Variants in ABTB3 observed in about 807,000 individuals in gnomAD.
ABTB3 encodes ankyrin repeat and BTB domain containing 3, also known as ankyrin repeat- and BTB/POZ domain-containing protein 3.
chr12:107,569,710 A>T, the ABTB3 span, among the ~76,000 whole-genome samples: 8 of 152,262 alleles, frequency 5.3e-5, no homozygotes, highest in Admixed American at 1.3e-4. Flanking sequence ...TGATACAAGC[A>T]TCACTTAGAT....
the ABTB3 span, among the ~76,000 whole-genome samples, chr12:107,491,530 G>A: frequency 6.6e-6 from 1 of 152,088 alleles, no homozygotes; most frequent in South Asian, 2.1e-4. Context: ...ACAACCATGA[G>A]CCATTTTCAT....
the ABTB3 span, among the ~76,000 whole-genome samples, chr12:107,538,785 C>T: frequency 6.6e-6 from 1 of 152,204 alleles, no homozygotes; most frequent in Non-Finnish European, 1.5e-5. Context: ...AAGCTCTGCT[C>T]CATCAGCAGA....
the ABTB3 span, among the ~76,000 whole-genome samples, chr12:107,575,025 T>C: frequency 6.6e-6 from 1 of 152,238 alleles, no homozygotes; most frequent in Non-Finnish European, 1.5e-5. Flanking sequence ...CAATGAGCAT[T>C]GCTATAGAAA....
At chr12:107,504,235 G>T in the ABTB3 span, among the ~76,000 whole-genome samples, 1 of 152,242 alleles carries the variant, frequency 6.6e-6, no homozygotes, top group Non-Finnish European at 1.5e-5. Context: ...ATTGTGGAAG[G>T]CCTATTAGTT....
the ABTB3 span, among the ~76,000 whole-genome samples, chr12:107,454,143 G>A: frequency 6.6e-6 from 1 of 152,244 alleles, no homozygotes; most frequent in East Asian, 1.9e-4. Flanking sequence ...TGTTGAATGA[G>A]TACATACCCA....
the ABTB3 span, among the ~76,000 whole-genome samples, chr12:107,536,447 G>T: frequency 6.6e-6 from 1 of 152,032 alleles, no homozygotes; most frequent in African/African-American, 2.4e-5. Context: ...ACAAATTGAA[G>T]AGACAGCCTA....
At chr12:107,445,436 T>C in the ABTB3 span, among the ~76,000 whole-genome samples, 1 of 152,124 alleles carries the variant, frequency 6.6e-6, no homozygotes, top group Admixed American at 6.5e-5. Flanking sequence ...AAATTAGCAT[T>C]TATTCACTGG....
chr12:107,516,497 G>A, the ABTB3 span, among the ~76,000 whole-genome samples: 1 of 152,152 alleles, frequency 6.6e-6, no homozygotes, highest in African/African-American at 2.4e-5. Flanking sequence ...CTCCCAAAGT[G>A]CTGGGATTAC....
chr12:107,608,748 G>A, the ABTB3 span, among the ~76,000 whole-genome samples: 1 of 151,770 alleles, frequency 6.6e-6, no homozygotes, highest in Non-Finnish European at 1.5e-5. Context: ...GTGCATCCCC[G>A]TAGTCTCAGC....
the ABTB3 span, among the ~76,000 whole-genome samples, chr12:107,460,608 G>A: frequency 2.0e-5 from 3 of 151,886 alleles, no homozygotes; most frequent in African/African-American, 7.3e-5. Flanking sequence ...GCAGTGAGCC[G>A]AGATCCCACC....
chr12:107,653,526 A>G, the ABTB3 span, among the ~76,000 whole-genome samples: 42 of 150,834 alleles, frequency 2.8e-4, no homozygotes, highest in African/African-American at 9.8e-4. Flanking sequence ...CAAAAAAAAA[A>G]AAAGAAAGAA....
the ABTB3 span, chr12:107,318,950 A>G: frequency 1.2e-6 from 2 of 1,605,050 alleles, no homozygotes; most frequent in Non-Finnish European, 1.7e-6. Context: ...GATGGCCAGG[A>G]GAGGTAAGAA....
chr12:107,382,852 A>G, the ABTB3 span, among the ~76,000 whole-genome samples: 45 of 152,136 alleles, frequency 3.0e-4, no homozygotes, highest in Middle Eastern at 3.2e-3. Flanking sequence ...TGGCATGTGT[A>G]TACCTATGTA....
chr12:107,461,834 G>T, the ABTB3 span, among the ~76,000 whole-genome samples: 3 of 152,160 alleles, frequency 2.0e-5, no homozygotes, highest in Non-Finnish European at 4.4e-5. Context: ...TCTTGAGCCT[G>T]GCACTCGGCA....
chr12:107,654,114 A>C, the ABTB3 span, among the ~76,000 whole-genome samples: 1 of 152,362 alleles, frequency 6.6e-6, no homozygotes, highest in African/African-American at 2.4e-5. Flanking sequence ...AGCACGTGTC[A>C]GAATTTCTTC....
the ABTB3 span, among the ~76,000 whole-genome samples, chr12:107,327,813 T>C: frequency 6.6e-6 from 1 of 152,208 alleles, no homozygotes; most frequent in Non-Finnish European, 1.5e-5. Flanking sequence ...TCCTAACGTC[T>C]TAGTGGCTGA....
the ABTB3 span, among the ~76,000 whole-genome samples, chr12:107,441,401 G>T: frequency 1.3e-5 from 2 of 152,130 alleles, no homozygotes; most frequent in Non-Finnish European, 2.9e-5. Flanking sequence ...ATAAGTGGGA[G>T]CTGAAGAATG....
At chr12:107,519,869 G>A in the ABTB3 span, among the ~76,000 whole-genome samples, 1,950 of 152,222 alleles carry the variant, frequency 0.013, 40 homozygotes, top group African/African-American at 0.043. Flanking sequence ...GAATGTTTAT[G>A]GAATGGAAAG....
At chr12:107,318,848 G>A in the ABTB3 span, 2 of 1,410,482 alleles carry the variant, frequency 1.4e-6, no homozygotes, top group Non-Finnish European at 1.9e-6. Flanking sequence ...AGGCGGCGCG[G>A]ACTCGGCTCT....
Sources: gnomAD v4.1 joint callset for allele counts (sites outside exome capture counted in the v4.1 genomes callset) on GRCh38, gnomAD v4.1.1 for gene constraint, MANE v1.5 for transcripts, NCBI Gene and HGNC (gene_info 2026-07-23, HGNC 2026-07-21) for gene names.